Variants in PRKD1 observed in about 807,000 individuals in gnomAD.
PRKD1 encodes the protein serine/threonine-protein kinase D1.
In PRKD1, 63 loss-of-function variants were observed where a neutral mutation model predicts 95.9. That is an observed-to-expected ratio of 0.66 (90% CI 0.54 to 0.81). The LOEUF is 0.81. PRKD1 is among the 30% of genes least tolerant of loss of function. PRKD1 has a pLI of 0.00. For synonymous variants in PRKD1, 425 were observed against 423.1 expected (o/e 1.00, Z -0.05); for missense variants, 1,048 against 1,165.3 (o/e 0.90, Z 1.47).
At chr14:29,678,018 T>C (rs896686063) in intron 2 of PRKD1, among the ~76,000 whole-genome samples, 4 of 152,254 alleles carry the variant, frequency 2.6e-5, no homozygotes, top group Non-Finnish European at 1.5e-5. Flanking sequence ...ATGTTGAATT[T>C]ATAAATAATT....
chr14:29,747,340 T>C (rs1283696640), intron 1 of PRKD1, among the ~76,000 whole-genome samples: 1 of 152,208 alleles, frequency 6.6e-6, no homozygotes, highest in Non-Finnish European at 1.5e-5. Context: ...CACCTGTACA[T>C]TGCTGATAGA....
intron 13 of PRKD1, among the ~76,000 whole-genome samples, chr14:29,606,328 G>C (rs1893704501): frequency 6.6e-6 from 1 of 152,028 alleles, no homozygotes; most frequent in Non-Finnish European, 1.5e-5. Flanking sequence ...TGACTTTTTT[G>C]ATAAATACTA....
In PRKD1 at chr14:29,631,040, A is replaced by G. The variant is rs1383162446; in HGVS notation, c.1393-19T>C. On this transcript the variant is annotated intron_variant, in intron 9 of 17. Transcript: ENST00000331968. The stretch of plus-strand genomic sequence containing the variant: ...GAATTTCCTGTGAAAGAAAAAAAGT[A>G]CTAAATGTTGTTTATCAAAAGTATG... 1 of 1,579,820 alleles carries G rather than the reference A, an allele frequency of 6.3e-7. No individual in the cohort carries two copies. The highest frequency in any genetic ancestry group is 1.2e-5 in the South Asian group (1 of 86,666).
chr14:29,818,888 C>T (rs1890797953), intron 1 of PRKD1, among the ~76,000 whole-genome samples: 1 of 151,720 alleles, frequency 6.6e-6, no homozygotes, highest in Non-Finnish European at 1.5e-5. Flanking sequence ...AGTAGATATA[C>T]TAGATATAGT....
intron 1 of PRKD1, among the ~76,000 whole-genome samples, chr14:29,779,062 A>G (rs1158002265): frequency 6.6e-6 from 1 of 152,230 alleles, no homozygotes; most frequent in Non-Finnish European, 1.5e-5. Flanking sequence ...ATAGATGCAG[A>G]AAAGGCCTTT....
intron 1 of PRKD1, among the ~76,000 whole-genome samples, chr14:29,737,228 A>G (rs1886763888): frequency 6.8e-6 from 1 of 147,562 alleles, no homozygotes; most frequent in Non-Finnish European, 1.5e-5. Flanking sequence ...AGGCTGAGGC[A>G]GGAGAATGGC....
chr14:29,899,851 A>G (rs890997260), intron 1 of PRKD1, among the ~76,000 whole-genome samples: 1 of 152,104 alleles, frequency 6.6e-6, no homozygotes, highest in Non-Finnish European at 1.5e-5. Context: ...TGTAATCCCC[A>G]TGTGTTGGGA....
chr14:29,786,014 T>C (rs910625773), intron 1 of PRKD1, among the ~76,000 whole-genome samples: 9 of 152,152 alleles, frequency 5.9e-5, no homozygotes, highest in African/African-American at 2.2e-4. Flanking sequence ...TTGAGGTTTG[T>C]TCCTCTATAC....
rs1877648897 is a variant in PRKD1 at position 29,628,935 on chromosome 14, C to T, written c.1725+106G>A. ...AAATATCCAAATTCTATTTTGCTTT[C>T]CAAAATTTACTAAAAAATTAAAATG... On this transcript the variant is annotated intron_variant, in intron 11 of 17. Transcript: ENST00000331968. 5.2e-6 allele frequency: 4 copies of T among 765,866 alleles called. No individual in the cohort carries two copies. The Admixed American group carries it at 1.5e-4, about 28-fold the overall frequency. 47.4% of individuals were successfully genotyped at this position (765,866 alleles called of 1,614,324 possible).
At chr14:29,909,233 T>A (rs909382562) in intron 1 of PRKD1, among the ~76,000 whole-genome samples, 1 of 151,876 alleles carries the variant, frequency 6.6e-6, no homozygotes, top group Non-Finnish European at 1.5e-5. Flanking sequence ...TGTCTCCCCA[T>A]GGGGCAGGGC....
At chr14:29,624,280 C>T (rs1231565969) in intron 12 of PRKD1, 22 bp from the exon 13 acceptor site, 3 of 1,536,716 alleles carry the variant, frequency 2.0e-6, no homozygotes, top group Admixed American at 1.8e-5. Context: ...AAAAGGGAAG[C>T]ATTAGTAAGT....
At chr14:29,853,967 A>T (rs1350246157) in intron 1 of PRKD1, among the ~76,000 whole-genome samples, 1 of 152,168 alleles carries the variant, frequency 6.6e-6, no homozygotes, top group Non-Finnish European at 1.5e-5. Context: ...ATACCTCCCC[A>T]GCCATGTAGA....
chr14:29,749,830 A>C (rs1457459376), intron 1 of PRKD1, among the ~76,000 whole-genome samples: 1 of 152,220 alleles, frequency 6.6e-6, no homozygotes, highest in Non-Finnish European at 1.5e-5. Flanking sequence ...TTTAATCATA[A>C]ATCCAATATT....
chr14:29,578,571 AGAAGAAGTTGGAAGTAATTATG>A (rs1892648579), intron 16 of PRKD1, among the ~76,000 whole-genome samples: 1 of 143,078 alleles, frequency 7.0e-6, no homozygotes, highest in African/African-American at 2.6e-5. Flanking sequence ...AAAAAAAAAA[AGAAGAAGTTGGAAGTAATTATG>A]GAAGAAGTAT....
intron 2 of PRKD1, among the ~76,000 whole-genome samples, chr14:29,710,307 A>G (rs1180183646): frequency 6.6e-6 from 1 of 152,130 alleles, no homozygotes; most frequent in Non-Finnish European, 1.5e-5. Flanking sequence ...GAGAAACCTG[A>G]CAAACACGAC....
Position 29,729,980 on chromosome 14 carries a change from G to A in PRKD1, c.265-4306C>T, listed in dbSNP as rs536812458. 5.3e-5 allele frequency among the ~76,000 whole-genome samples: 8 copies of A among 151,940 alleles called. No homozygotes were observed. In the South Asian group the frequency reaches 8.3e-4, roughly 16 times the overall value. On this transcript the variant is annotated intron_variant, in intron 1 of 17. Transcript: ENST00000331968. Reference sequence around the variant, plus strand: ...ACTCCATGACATTGGTATGGGCAACGATTTTTTTATATGACCCCAAAAGCA... The same window carrying A: ...ACTCCATGACATTGGTATGGGCAACAATTTTTTTATATGACCCCAAAAGCA...
At chr14:29,586,173 T>C (rs753475016) in intron 16 of PRKD1, among the ~76,000 whole-genome samples, 7 of 152,176 alleles carry the variant, frequency 4.6e-5, no homozygotes, top group Non-Finnish European at 8.8e-5. Flanking sequence ...CAAAGGGTCC[T>C]TGAATAGATG....
At chr14:29,672,609 C>T (rs1237331752) in intron 2 of PRKD1, among the ~76,000 whole-genome samples, 1 of 151,954 alleles carries the variant, frequency 6.6e-6, no homozygotes, top group Non-Finnish European at 1.5e-5. Flanking sequence ...GAAAAAGACT[C>T]ATTAGCATGA....
intron 1 of PRKD1, among the ~76,000 whole-genome samples, chr14:29,756,512 C>T (rs1887704972): frequency 6.6e-6 from 1 of 152,138 alleles, no homozygotes; most frequent in South Asian, 2.1e-4. Flanking sequence ...TGTAAAAAAA[C>T]ACTAATGGCA....
Sources: allele counts gnomAD v4.1 joint callset (sites outside exome capture counted in the v4.1 genomes callset), GRCh38; gene constraint gnomAD v4.1.1; transcripts MANE v1.5; gene names NCBI Gene and HGNC (gene_info 2026-07-23, HGNC 2026-07-21).